Variants in MCCC2 observed in about 807,000 individuals in gnomAD.
MCCC2 encodes the protein methylcrotonoyl-CoA carboxylase beta chain, mitochondrial.
MCCC2 carries 52 observed loss-of-function variants against 77.2 expected under a neutral mutation model. That is an observed-to-expected ratio of 0.67 (90% CI 0.54 to 0.85). The LOEUF is 0.85. MCCC2 is among the 40% of genes least tolerant of loss of function. The pLI, the probability that MCCC2 is intolerant of heterozygous loss-of-function variation, is 0.00. For missense variants in MCCC2, 682 were observed against 703.2 expected (o/e 0.97, Z 0.34); for synonymous variants, 253 against 248.4 (o/e 1.02, Z -0.18).
At chr5:71,629,274 T>C (rs754257573) in intron 7 of MCCC2, among the ~76,000 whole-genome samples, 9 of 151,798 alleles carry the variant, frequency 5.9e-5, no homozygotes, top group South Asian at 2.1e-4. Flanking sequence ...ATATTGAGAA[T>C]AGGCAAATTC....
At chr5:71,621,234 C>T (rs1216202027) in intron 6 of MCCC2, among the ~76,000 whole-genome samples, 3 of 151,964 alleles carry the variant, frequency 2.0e-5, no homozygotes, top group Admixed American at 6.6e-5. Context: ...CAGCTGGGCA[C>T]GGTGGCTCAT....
rs1259230599 is a variant in MCCC2, at chr5:71,652,769, A to G, written c.1574+15A>G. ...TCCAGCGCAAGGTGGGGGCCAGAAC[A>G]TCACTAACTCTCTGATGGGTGCAGA... On this transcript the variant is annotated intron_variant, in intron 16 of 16. Transcript: ENST00000340941. The G allele has an allele frequency of 1.2e-6, 2 of 1,610,202 alleles. No individual in the cohort carries two copies. The highest frequency in any genetic ancestry group is 1.7e-4 in the Middle Eastern group (1 of 6,036).
intron 6 of MCCC2, among the ~76,000 whole-genome samples, chr5:71,623,861 T>C (rs1258001216): frequency 6.6e-6 from 1 of 152,188 alleles, no homozygotes. Context: ...ATGGTAAAAT[T>C]CCCGGAAGTA....
chr5:71,637,598 G>A lies in MCCC2; in HGVS notation c.999+2352G>A, dbSNP rs954332338. Among the ~76,000 whole-genome samples, 16 of 152,182 alleles carry A rather than the reference G, an allele frequency of 1.1e-4. 1 individual carries two copies. Among genetic ancestry groups the A allele is most frequent in the Non-Finnish European group, 1.5e-5 (1 of 68,034 alleles). On this transcript the variant is annotated intron_variant, in intron 10 of 16. Transcript: ENST00000340941. ...TCAGGGTAGAGGTTGCTGAAGGTTGGGGTGGCTGTGGCAATTTCTTAAAAG... is the reference window on the plus strand; with the variant it reads ...TCAGGGTAGAGGTTGCTGAAGGTTGAGGTGGCTGTGGCAATTTCTTAAAAG...
intron 6 of MCCC2, among the ~76,000 whole-genome samples, chr5:71,613,537 T>C (rs1481208472): frequency 6.6e-6 from 1 of 152,176 alleles, no homozygotes; most frequent in Non-Finnish European, 1.5e-5. Context: ...GGCTCATGCC[T>C]GTAATCCCAG....
At chr5:71,604,269 A>T in intron 5 of MCCC2, 87 bp from the exon 6 acceptor site, 1 of 1,144,448 alleles carries the variant, frequency 8.7e-7, no homozygotes. Flanking sequence ...TGTGATTAAG[A>T]ACTGATGCTG....
intron 5 of MCCC2, among the ~76,000 whole-genome samples, chr5:71,603,732 T>C (rs1054217294): frequency 1.3e-5 from 2 of 152,210 alleles, no homozygotes; most frequent in Non-Finnish European, 2.9e-5. Flanking sequence ...GCATATAATG[T>C]GCAACCAACA....
intron 6 of MCCC2, among the ~76,000 whole-genome samples, chr5:71,610,209 C>T (rs1273761966): frequency 6.6e-6 from 1 of 152,236 alleles, no homozygotes; most frequent in Non-Finnish European, 1.5e-5. Flanking sequence ...GCTGTGCTAG[C>T]AATCAGCGAG....
intron 6 of MCCC2, among the ~76,000 whole-genome samples, chr5:71,608,577 T>G (rs1430285126): frequency 2.0e-5 from 3 of 151,808 alleles, no homozygotes; most frequent in African/African-American, 7.3e-5. Flanking sequence ...TCCATTTACA[T>G]TTAAAGTTAA....
chr5:71,594,194 T>A (rs1745087579), intron 2 of MCCC2, among the ~76,000 whole-genome samples: 1 of 152,028 alleles, frequency 6.6e-6, no homozygotes, highest in Non-Finnish European at 1.5e-5. Flanking sequence ...ATTTTGAGAG[T>A]TTGATTTGGT....
At chr5:71,630,006 G>A (rs1168459523) in intron 7 of MCCC2, among the ~76,000 whole-genome samples, 1 of 152,128 alleles carries the variant, frequency 6.6e-6, no homozygotes, top group African/African-American at 2.4e-5. Flanking sequence ...TTTTGTCTAA[G>A]GGTCAGTAGT....
At position 71,649,747 on chromosome 5, in the gene MCCC2, TA is replaced by T. The variant is rs1350148135; in HGVS notation, c.1374-316del. Among the ~76,000 whole-genome samples the T allele has an allele frequency of 2.6e-5, 4 of 152,138 alleles. No homozygotes were observed. In the South Asian group the frequency reaches 8.3e-4, roughly 32 times the overall value. ...AAACTTGATAATCTTATGCTTAAACTAAAAAATAAAGAGAGACAGCACATAT... is the reference window on the plus strand; with the variant it reads ...AAACTTGATAATCTTATGCTTAAACTAAAAATAAAGAGAGACAGCACATAT... On this transcript the variant is annotated intron_variant, in intron 14 of 16. Transcript: ENST00000340941.
Position 71,649,189 on chromosome 5 carries a change from A to T in MCCC2, c.1309A>T (p.Ile437Leu), listed in dbSNP as rs119103224. Residue 437 changes from isoleucine (I) to leucine (L), a missense_variant, in exon 14 of 17, where the codon ATA becomes TTA. Ile to Leu is a conservative substitution (Grantham distance 5, BLOSUM62 2). Coordinates refer to ENST00000340941, the MANE Select transcript of MCCC2 (RefSeq NM_022132.5). Reference sequence around the variant, plus strand: ...TGTGGCCTGTGCCCAAGTGCCTAAGATAACCCTCATCATTGGGGGCTCCTA... The same window carrying T: ...TGTGGCCTGTGCCCAAGTGCCTAAGTTAACCCTCATCATTGGGGGCTCCTA... ...AAVACAQVPK[I>L]TLIIGGSYGA... The T allele has an allele frequency of 3.1e-6, 5 of 1,614,094 alleles. No homozygotes were observed. The highest frequency in any genetic ancestry group is 4.2e-6 in the Non-Finnish European group (5 of 1,180,028).
intron 14 of MCCC2, 107 bp from the exon 15 acceptor site, chr5:71,649,962 T>C (rs1416870928): frequency 8.6e-6 from 7 of 814,486 alleles, no homozygotes; most frequent in Non-Finnish European, 1.5e-5. Context: ...ATGATTGTAA[T>C]GTGCAGCCAG....
At chr5:71,593,532 GAATA>G (rs1437739609) in intron 2 of MCCC2, among the ~76,000 whole-genome samples, 3 of 151,024 alleles carry the variant, frequency 2.0e-5, no homozygotes, top group East Asian at 3.9e-4. Context: ...TAAATTTTAT[GAATA>G]AATAATTTAT....
chr5:71,624,947 AC>A (rs1746489319), intron 6 of MCCC2, among the ~76,000 whole-genome samples: 1 of 135,220 alleles, frequency 7.4e-6, no homozygotes, highest in Non-Finnish European at 1.6e-5. Context: ...ACCCACCCCC[AC>A]CTCCCAAAGT....
In MCCC2 at chr5:71,643,072, G is replaced by GA. The variant is rs138511556; in HGVS notation, c.1073-737dup. 2.8e-4 allele frequency among the ~76,000 whole-genome samples: 39 copies of GA among 140,458 alleles called. 1 individual carries two copies. The highest frequency in any genetic ancestry group is 3.8e-3 in the Middle Eastern group (1 of 264). 92.1% of individuals were successfully genotyped at this position (140,458 alleles called of 152,430 possible). A position where few individuals can be genotyped will look rare whatever the true frequency, so the allele number is the denominator to read the frequency against. Reference sequence around the variant, plus strand: ...ACCCAGACAAAGCCAGAGTAAAGAAGAAAAAAAAAACAAATCTTTAAAGAT... The same window carrying GA: ...ACCCAGACAAAGCCAGAGTAAAGAAGAAAAAAAAAAACAAATCTTTAAAGAT... On this transcript the variant is annotated intron_variant, in intron 11 of 16. Coordinates refer to ENST00000340941, the MANE Select transcript of MCCC2 (RefSeq NM_022132.5).
chr5:71,652,527 A>T, intron 15 of MCCC2, 142 bp from the exon 16 acceptor site: 1 of 726,114 alleles, frequency 1.4e-6, no homozygotes, highest in South Asian at 1.5e-5. Flanking sequence ...GTTAATGATC[A>T]CTTGTAATTT....
intron 10 of MCCC2, 25 bp from the exon 11 acceptor site, chr5:71,640,978 A>C: frequency 6.3e-7 from 1 of 1,599,520 alleles, no homozygotes; most frequent in South Asian, 1.1e-5. Flanking sequence ...TAATTTCTCA[A>C]GGCCATTGTT....
Sources: gnomAD v4.1 joint callset for allele counts (sites outside exome capture counted in the v4.1 genomes callset) on GRCh38, gnomAD v4.1.1 for gene constraint, MANE v1.5 for transcripts, NCBI Gene and HGNC (gene_info 2026-07-23, HGNC 2026-07-21) for gene names.